The following TMEM255B variants were observed in gnomAD, a reference collection of about 807,000 sequenced individuals.
The protein encoded by TMEM255B is transmembrane protein 255B.
In TMEM255B, 35 loss-of-function variants were observed where a neutral mutation model predicts 34.5. The ratio of observed to expected loss-of-function variants is 1.01; its 90% CI spans 0.77 to 1.34. The LOEUF is 1.34. Ranked by LOEUF, TMEM255B falls within the 40% of genes most tolerant of loss-of-function variation. The pLI is 0.00. For synonymous variants in TMEM255B, 206 were observed against 201.2 expected (o/e 1.02, Z -0.20); for missense variants, 432 against 433.2 (o/e 1.00, Z 0.02).
chr13:113,767,282 G>A (rs912051789), intron 2 of TMEM255B, among the ~76,000 whole-genome samples: 2 of 152,184 alleles, frequency 1.3e-5, no homozygotes, highest in African/African-American at 2.4e-5. Flanking sequence ...ATCTACCTGT[G>A]TATAGTTTAT....
At chr13:113,789,885 A>G (rs1017247624) in intron 3 of TMEM255B, among the ~76,000 whole-genome samples, 4 of 152,178 alleles carry the variant, frequency 2.6e-5, no homozygotes, top group South Asian at 2.1e-4. Flanking sequence ...CACTGGACTG[A>G]CCATGTACGT....
At chr13:113,794,902 C>T (rs549860354) in intron 3 of TMEM255B, among the ~76,000 whole-genome samples, 41 of 152,336 alleles carry the variant, frequency 2.7e-4, no homozygotes, top group South Asian at 6.2e-4. Context: ...GCCGAGGGCC[C>T]GGGGATGGCA....
At position 113,770,595 on chromosome 13, in the gene TMEM255B, G is replaced by T. The variant is rs2050462038; in HGVS notation, c.252+1435G>T. 6.6e-6 allele frequency among the ~76,000 whole-genome samples: 1 copy of T among 152,204 alleles called. No individual in the cohort carries two copies. The highest frequency in any genetic ancestry group is 2.1e-4 in the South Asian group (1 of 4,830). On this transcript the variant is annotated intron_variant, in intron 3 of 8. Transcript: ENST00000375353. The surrounding 1 kb of genome is among the most constrained non-coding windows in gnomAD (Gnocchi z 4.6). ...TAGTAGAGACAGTGTGCACTGCAGGGTGAGCTGCCGTTCTTGGCTAGCAGT... is the reference window on the plus strand; with the variant it reads ...TAGTAGAGACAGTGTGCACTGCAGGTTGAGCTGCCGTTCTTGGCTAGCAGT...
chr13:113,766,232 T>C lies in TMEM255B; in HGVS notation c.164T>C (p.Val55Ala), dbSNP rs141704488. Residue 55 changes from valine to alanine, a missense_variant, in exon 2 of 9, where the codon GTT (valine) becomes GCT (alanine). Transcript: ENST00000375353. ...AATTRTENVT[V>A]GGYYPGIILG... Reference sequence around the variant, plus strand: ...ACCACCAGGACGGAGAATGTGACCGTTGGGGGCTACTACCCAGGGATCATT... The same window carrying C: ...ACCACCAGGACGGAGAATGTGACCGCTGGGGGCTACTACCCAGGGATCATT... 627 of 1,614,162 alleles carry C rather than the reference T, an allele frequency of 3.9e-4. No individual in the cohort carries two copies. The highest frequency in any genetic ancestry group is 5.0e-4 in the Non-Finnish European group (594 of 1,180,008).
At chr13:113,762,642 C>T (rs376265417) in intron 1 of TMEM255B, among the ~76,000 whole-genome samples, 1 of 152,166 alleles carries the variant, frequency 6.6e-6, no homozygotes, top group Admixed American at 6.5e-5. Flanking sequence ...AGCATGTTAC[C>T]GATTGACTTG....
intron 3 of TMEM255B, among the ~76,000 whole-genome samples, chr13:113,784,932 C>G (rs1051578243): frequency 1.6e-4 from 24 of 151,712 alleles, no homozygotes; most frequent in African/African-American, 5.6e-4. Flanking sequence ...GCTCAACCAT[C>G]AAAGAGAGGT....
In TMEM255B at chr13:113,785,570, G is replaced by A. The variant is rs569477240; in HGVS notation, c.253-9578G>A. On this transcript the variant is annotated intron_variant, in intron 3 of 8. Coordinates refer to ENST00000375353, the MANE Select transcript of TMEM255B (RefSeq NM_182614.4). ...CCCACCGGAGGAGAGAGGCTGGAAA[G>A]CTGAAAAGTTCAATTAAAGAAACTT... is the stretch of plus-strand genomic sequence containing the variant. Among the ~76,000 whole-genome samples the A allele has an allele frequency of 8.5e-5, 13 of 152,354 alleles. No homozygotes were observed. In the South Asian group the frequency reaches 2.7e-3, roughly 32 times the overall value.
At chr13:113,783,923 G>A (rs1203675645) in intron 3 of TMEM255B, among the ~76,000 whole-genome samples, 1 of 152,168 alleles carries the variant, frequency 6.6e-6, no homozygotes, top group Admixed American at 6.5e-5. Context: ...CATGAGGGGT[G>A]CAAGCATGAC....
intron 5 of TMEM255B, chr13:113,799,986 A>G (rs1280941277): frequency 3.0e-5 from 38 of 1,259,980 alleles, no homozygotes; most frequent in Non-Finnish European, 3.7e-5. Context: ...GTGTCAGAGG[A>G]GGAGGAGCTG....
intron 4 of TMEM255B, 27 bp downstream of exon 4, chr13:113,795,264 G>T: frequency 6.2e-7 from 1 of 1,600,360 alleles, no homozygotes. Context: ...TGTGTGCACA[G>T]TCGCTTTCCG....
At chr13:113,761,858 G>A (rs999306971) in intron 1 of TMEM255B, among the ~76,000 whole-genome samples, 1 of 152,088 alleles carries the variant, frequency 6.6e-6, no homozygotes, top group African/African-American at 2.4e-5. Flanking sequence ...TGAGCCCCGG[G>A]AACCGGCGAC....
chr13:113,759,761 C>A (rs928945282), intron 1 of TMEM255B, among the ~76,000 whole-genome samples: 5 of 152,174 alleles, frequency 3.3e-5, no homozygotes, highest in South Asian at 2.1e-4. Flanking sequence ...AGCGAGGTAG[C>A]CTTTTCCTGT....
chr13:113,801,960 A>AC, intron 7 of TMEM255B, 148 bp downstream of exon 7: 1 of 955,050 alleles, frequency 1.0e-6, no homozygotes, highest in Non-Finnish European at 1.5e-6. Flanking sequence ...TCAGGGTGAC[A>AC]GCTGGCGTGC....
chr13:113,772,115 A>T (rs1449147502), intron 3 of TMEM255B, among the ~76,000 whole-genome samples: 1 of 152,148 alleles, frequency 6.6e-6, no homozygotes, highest in Non-Finnish European at 1.5e-5. Flanking sequence ...GCATCTCTTC[A>T]TGTGCCTATT....
intron 7 of TMEM255B, among the ~76,000 whole-genome samples, 179 bp downstream of exon 7, chr13:113,801,991 T>C (rs1357332695): frequency 6.6e-6 from 1 of 152,198 alleles, no homozygotes; most frequent in Non-Finnish European, 1.5e-5. Flanking sequence ...CTCGGGGCCG[T>C]CCTGTCCCAA....
rs769527820 is a variant in TMEM255B, at chr13:113,815,727, G to C, written c.*3824G>C. The C allele has an allele frequency of 6.6e-6, 1 of 152,344 alleles. No homozygotes were observed. The highest frequency in any genetic ancestry group is 1.5e-5 in the Non-Finnish European group (1 of 68,250). The allele number at this position is 152,344 out of a possible 1,614,324, so 9.4% of individuals were successfully genotyped here. A position where few individuals can be genotyped will look rare whatever the true frequency, so the allele number is the denominator to read the frequency against. ...TTAAACCTCTTTTTTTCCCAGTCTCGGGTATGTCCTTATTAGCAGTGTGAA... is the reference window on the plus strand; with the variant it reads ...TTAAACCTCTTTTTTTCCCAGTCTCCGGTATGTCCTTATTAGCAGTGTGAA... On this transcript the variant is annotated 3_prime_UTR_variant, in exon 9 of 9. Transcript: ENST00000375353.
chr13:113,761,709 C>T (rs1328400159), intron 1 of TMEM255B, among the ~76,000 whole-genome samples: 1 of 152,168 alleles, frequency 6.6e-6, no homozygotes, highest in Non-Finnish European at 1.5e-5. Flanking sequence ...TGAGAGCCCA[C>T]GTATCGTGTC....
At chr13:113,800,282 G>A (rs2051025162) in intron 5 of TMEM255B, among the ~76,000 whole-genome samples, 1 of 143,520 alleles carries the variant, frequency 7.0e-6, no homozygotes, top group Non-Finnish European at 1.5e-5. Flanking sequence ...CTGTGTGTGT[G>A]TGTCAGGGGA....
At position 113,812,691 on chromosome 13, in the gene TMEM255B, C is replaced by T. The variant is rs9604508; in HGVS notation, c.*788C>T. On this transcript the variant is annotated 3_prime_UTR_variant, in exon 9 of 9. Transcript: ENST00000375353. ...CCCTGTGGAAACCAGCTTAGCTCCC[C>T]GCGGGCCCAGCATGCACCTGCCGGG... The T allele has an allele frequency of 0.37, 56,325 of 152,136 alleles. 12,259 individuals carry two copies. The highest frequency in any genetic ancestry group is 0.75 in the East Asian group (3,856 of 5,158). The allele number at this position is 152,136 out of a possible 1,614,324, so 9.4% of individuals were successfully genotyped here.
Sources: gnomAD v4.1 joint callset for allele counts (sites outside exome capture counted in the v4.1 genomes callset) on GRCh38, gnomAD v4.1.1 for gene constraint, Gnocchi (gnomAD v3.1) non-coding constraint, MANE v1.5 for transcripts, NCBI Gene and HGNC (gene_info 2026-07-23, HGNC 2026-07-21) for gene names.